The following DNAJC21 variants were observed in gnomAD, a reference collection of about 807,000 sequenced individuals.
DNAJC21 encodes the protein DnaJ heat shock protein family (Hsp40) member C21.
A neutral mutation model predicts 72.4 loss-of-function variants in DNAJC21; 63 were observed. The ratio of observed to expected loss-of-function variants is 0.87; its 90% CI spans 0.71 to 1.07. The LOEUF is 1.07. DNAJC21 is among the 50% of genes least tolerant of loss of function. The pLI is 0.00. For missense variants in DNAJC21, 634 were observed against 644.8 expected, an observed-to-expected ratio of 0.98 and a Z score of 0.18; for synonymous variants, 203 against 216.7, an observed-to-expected ratio of 0.94 and a Z score of 0.56.
intron 10 of DNAJC21, chr5:34,950,944 T>C: frequency 5.1e-6 from 5 of 984,246 alleles, no homozygotes; most frequent in Non-Finnish European, 6.0e-6. Flanking sequence ...GAGAATCATT[T>C]CTTATTTCTT....
At chr5:34,934,728 T>C (rs1580524038) in intron 2 of DNAJC21, among the ~76,000 whole-genome samples, 1 of 152,206 alleles carries the variant, frequency 6.6e-6, no homozygotes. Context: ...AAATAGGTTT[T>C]AAGCTTTGAC....
At chr5:34,950,823 A>G in intron 10 of DNAJC21, 1 of 986,062 alleles carries the variant, frequency 1.0e-6, no homozygotes, top group East Asian at 1.1e-4. Context: ...GCACAAGGCC[A>G]TGGTGTGGAC....
intron 10 of DNAJC21, chr5:34,950,715 T>C: frequency 1.0e-6 from 1 of 993,148 alleles, no homozygotes; most frequent in Non-Finnish European, 1.2e-6. Context: ...ATCTCCATGC[T>C]CACGACAGCA....
rs1764530109 is a variant in DNAJC21 at position 34,929,993 on chromosome 5, A to G, written c.97+77A>G. Reference sequence around the variant, plus strand: ...CCCGACCTTCCCTTCCCCCGGGCGGACTCCGCGGAGCCAGCAGAGAGGGAC... The same window carrying G: ...CCCGACCTTCCCTTCCCCCGGGCGGGCTCCGCGGAGCCAGCAGAGAGGGAC... On this transcript the variant is annotated intron_variant, in intron 1 of 11. Transcript: ENST00000648817. The G allele has an allele frequency of 5.8e-6, 7 of 1,206,400 alleles. No individual in the cohort carries two copies. In the East Asian group the frequency reaches 2.3e-4, roughly 40 times the overall value. 74.7% of individuals were successfully genotyped at this position (1,206,400 alleles called of 1,614,324 possible).
rs748370688 is a variant in DNAJC21, at chr5:34,937,326, G to A, written c.439G>A (p.Val147Ile). 8 of 1,604,104 alleles carry A rather than the reference G, an allele frequency of 5.0e-6. No individual in the cohort carries two copies. The highest frequency in any genetic ancestry group is 4.5e-5 in the South Asian group (4 of 89,136). The change falls in exon 5 of 12, where the codon GTA becomes ATA. Residue 147 changes from valine to isoleucine, a missense_variant and splice_region_variant. Val to Ile is a conservative substitution (Grantham distance 29, BLOSUM62 3). Transcript: ENST00000648817. The part of the protein sequence containing the change: ...FGDSQSDYDT[V>I]VHPFYAYWQS... Reference sequence around the variant, plus strand: ...GTTAATCTGTTTTCTTTGTCACTAGGTAGTCCATCCTTTCTACGCTTATTG... The same window carrying A: ...GTTAATCTGTTTTCTTTGTCACTAGATAGTCCATCCTTTCTACGCTTATTG...
Position 34,958,167 on chromosome 5 carries a change from G to C in DNAJC21, c.*3453G>C, listed in dbSNP as rs878880490. 2.0e-5 allele frequency: 3 copies of C among 152,212 alleles called. No individual in the cohort carries two copies. The South Asian group carries it at 6.2e-4, about 32-fold the overall frequency. 9.4% of individuals were successfully genotyped at this position (152,212 alleles called of 1,614,324 possible). A position where few individuals can be genotyped will look rare whatever the true frequency, so the allele number is the denominator to read the frequency against. On this transcript the variant is annotated 3_prime_UTR_variant, in exon 12 of 12. Transcript: ENST00000648817. ...TGTTACATGGGAAGAAAAAGATTAA[G>C]AAAAAGCAAGATAATTTTGAAGAAG...
chr5:34,945,170 T>C, intron 8 of DNAJC21, 145 bp downstream of exon 8: 1 of 943,086 alleles, frequency 1.1e-6, no homozygotes. Context: ...CTCCAACTTG[T>C]GGGTTCAAGT....
chr5:34,939,817 A>T (rs937599933), intron 6 of DNAJC21, among the ~76,000 whole-genome samples: 2 of 151,922 alleles, frequency 1.3e-5, no homozygotes, highest in African/African-American at 4.8e-5. Context: ...TGTATATCTG[A>T]TTTTCCCCAC....
intron 4 of DNAJC21, 114 bp from the exon 5 acceptor site, chr5:34,937,212 G>A (rs904388261): frequency 1.9e-6 from 2 of 1,050,934 alleles, no homozygotes; most frequent in African/African-American, 3.2e-5. Context: ...ATTATTAGAA[G>A]TGTTATATAC....
At position 34,929,596 on chromosome 5, in the gene DNAJC21, C is replaced by G. The variant is rs1164468744; in HGVS notation, c.-224C>G. 1 of 153,318 alleles carries G rather than the reference C, an allele frequency of 6.5e-6. No homozygotes were observed. The highest frequency in any genetic ancestry group is 6.6e-5 in the Admixed American group (1 of 15,184). The allele number at this position is 153,318 out of a possible 1,614,324, so 9.5% of individuals were successfully genotyped here. A position where few individuals can be genotyped will look rare whatever the true frequency, so the allele number is the denominator to read the frequency against. The stretch of plus-strand genomic sequence containing the variant: ...GGCCGCCGGCACCGCCCCCGCCGCG[C>G]TCCCGCTTGCCGCAGCCTGCGTCGT... On this transcript the variant is annotated 5_prime_UTR_variant, in exon 1 of 12. Coordinates refer to ENST00000648817, the MANE Select transcript of DNAJC21 (RefSeq NM_001012339.3).
Position 34,936,128 on chromosome 5 carries a change from TG to T in DNAJC21, c.316-15del. 1.3e-6 allele frequency: 2 copies of T among 1,597,700 alleles called. No homozygotes were observed. The highest frequency in any genetic ancestry group is 1.7e-6 in the Non-Finnish European group (2 of 1,175,406). ...TGCAAAAGTATTAAGAATTTGTTTT[TG>T]TTACTGTTTTTTAGGGATTTTACAC... On this transcript the variant is annotated splice_polypyrimidine_tract_variant and intron_variant, in intron 3 of 11. Coordinates refer to ENST00000648817, the MANE Select transcript of DNAJC21 (RefSeq NM_001012339.3).
In DNAJC21 at chr5:34,945,800, A is replaced by G. The variant is rs1445612408; in HGVS notation, c.1182A>G (p.Ala394=). ...AGAAGAAAAAGAAACAGAAACCAGC[A>G]CAGGTATGTTAGAAAGGTTTTGTTA... ...KKQKKKKQKP[A]QNYDDNFNVN... is the part of the protein sequence containing the mutation. The change falls in exon 9 of 12, where the codon GCA becomes GCG. Residue 394 remains alanine (A), a synonymous_variant. Coordinates refer to ENST00000648817, the MANE Select transcript of DNAJC21 (RefSeq NM_001012339.3). 3.8e-6 allele frequency: 6 copies of G among 1,583,756 alleles called. No individual in the cohort carries two copies. Among genetic ancestry groups the G allele is most frequent in the Non-Finnish European group, 5.1e-6 (6 of 1,168,476 alleles).
intron 3 of DNAJC21, 147 bp from the exon 4 acceptor site, chr5:34,935,997 C>T (rs1764758777): frequency 2.9e-6 from 4 of 1,402,252 alleles, no homozygotes; most frequent in Admixed American, 2.4e-5. Flanking sequence ...GTATAAAAAC[C>T]TCTAGTTGAA....
intron 10 of DNAJC21, 33 bp from the exon 11 acceptor site, chr5:34,953,892 AT>A: frequency 1.9e-6 from 3 of 1,560,982 alleles, no homozygotes; most frequent in Admixed American, 1.8e-5. Context: ...GGAGTATGTT[AT>A]TTTTGGATTA....
Position 34,937,530 on chromosome 5 carries a change from A to T in DNAJC21, c.643A>T (p.Lys215Ter). The T allele has an allele frequency of 3.1e-6, 5 of 1,614,114 alleles. No individual in the cohort carries two copies. Among genetic ancestry groups the T allele is most frequent in the Non-Finnish European group, 4.2e-6 (5 of 1,179,944 alleles). ...GGTAGCTTTCATTCGTAAAAGAGATAAAAGAGTGCAGGCGCATCGAAAACT... is the reference window on the plus strand; with the variant it reads ...GGTAGCTTTCATTCGTAAAAGAGATTAAAGAGTGCAGGCGCATCGAAAACT... Reference protein sequence around the residue: ...QLVAFIRKRDKRVQAHRKLVE... With the variant: ...QLVAFIRKRD The change falls in exon 5 of 12, where the codon AAA (lysine) becomes TAA (stop). Residue 215 changes from lysine to a stop codon, truncating the protein, a stop_gained. Transcript: ENST00000648817. LOFTEE classifies it high-confidence loss of function.
chr5:34,953,708 T>G (rs925170808), intron 10 of DNAJC21: 1 of 436,154 alleles, frequency 2.3e-6, no homozygotes, highest in Middle Eastern at 6.1e-4. Context: ...AGGAAATTCC[T>G]TAATTTTTGT....
chr5:34,956,507 C>T lies in DNAJC21; in HGVS notation c.*1793C>T, dbSNP rs1243254369. On this transcript the variant is annotated 3_prime_UTR_variant, in exon 12 of 12. Transcript: ENST00000648817. ...ACTTCATCTGAATGTGCTCTGCCGC[C>T]TTCTTATCTGAACTAGATGAATTGG... 2.6e-5 allele frequency: 4 copies of T among 152,060 alleles called. No homozygotes were observed. The highest frequency in any genetic ancestry group is 5.9e-5 in the Non-Finnish European group (4 of 68,028). 9.4% of individuals were successfully genotyped at this position (152,060 alleles called of 1,614,324 possible). A position where few individuals can be genotyped will look rare whatever the true frequency, so the allele number is the denominator to read the frequency against.
rs748124607 is a variant in DNAJC21, at chr5:34,933,892, C to A, written c.175C>A (p.Pro59Thr). 1 of 1,613,684 alleles carries A rather than the reference C, an allele frequency of 6.2e-7. No individual in the cohort carries two copies. Among genetic ancestry groups the A allele is most frequent in the Admixed American group, 1.7e-5 (1 of 59,986 alleles). Residue 59 changes from proline (P) to threonine (T), a missense_variant, in exon 2 of 12, where the codon CCT (proline) becomes ACT (threonine). Coordinates refer to ENST00000648817, the MANE Select transcript of DNAJC21 (RefSeq NM_001012339.3). ...IQAAYDVLSD[P>T]QERAWYDNHR... ...AGCAGCATATGATGTGTTGAGTGAC[C>A]CTCAGGAAAGAGCATGGTGAGCATC...
In DNAJC21 at chr5:34,936,165, A is replaced by T. The variant is rs540408227; in HGVS notation, c.337A>T (p.Asn113Tyr). 238 of 1,614,000 alleles carry T rather than the reference A, an allele frequency of 1.5e-4. 1 individual carries two copies. In the South Asian group the frequency reaches 2.4e-3, roughly 16 times the overall value. ...DEKGFYTVYRNVFEMIAKEEL... is the reference protein window; with the variant it reads ...DEKGFYTVYRYVFEMIAKEEL... The stretch of plus-strand genomic sequence containing the variant: ...TTAGGGATTTTACACGGTGTATCGT[A>T]ATGTTTTTGAAATGATTGCCAAGGA... The change falls in exon 4 of 12, where the codon AAT (asparagine) becomes TAT (tyrosine). Residue 113 changes from asparagine to tyrosine, a missense_variant. Physicochemically the swap from Asn to Tyr is moderately radical, Grantham distance 143. Transcript: ENST00000648817.
Sources: gnomAD v4.1 joint callset for allele counts (sites outside exome capture counted in the v4.1 genomes callset) on GRCh38, gnomAD v4.1.1 for gene constraint, MANE v1.5 for transcripts, NCBI Gene and HGNC (gene_info 2026-07-23, HGNC 2026-07-21) for gene names.